The following KAZN variants were observed in gnomAD, a reference collection of about 807,000 sequenced individuals.
The protein encoded by KAZN is kazrin.
In KAZN, 40 loss-of-function variants were observed where a neutral mutation model predicts 87.4. That is an observed-to-expected ratio of 0.46 (90% confidence interval 0.36 to 0.60). The LOEUF is 0.60. Ranked by LOEUF, KAZN falls within the 20% of genes least tolerant of loss-of-function variation. KAZN has a pLI of 0.00. For missense variants in KAZN, 898 were observed against 1,073.9 expected (o/e 0.84, Z 2.29); for synonymous variants, 466 against 458.3 (o/e 1.02, Z -0.22).
chr1:14,835,109 C>T (rs1051027706), intron 1 of KAZN, among the ~76,000 whole-genome samples: 1 of 152,226 alleles, frequency 6.6e-6, no homozygotes, highest in Non-Finnish European at 1.5e-5. Context: ...AAATGCCCAT[C>T]CCGCCAGCGG....
intron 1 of KAZN, among the ~76,000 whole-genome samples, chr1:13,898,878 G>T (rs12086572): frequency 0.24 from 35,828 of 152,164 alleles, 5,906 homozygotes; most frequent in African/African-American, 0.43. Flanking sequence ...ATGGAGCCTA[G>T]CTACATTTGG....
intron 1 of KAZN, among the ~76,000 whole-genome samples, chr1:14,843,779 A>G (rs1056567055): frequency 6.6e-6 from 1 of 152,086 alleles, no homozygotes; most frequent in Non-Finnish European, 1.5e-5. Flanking sequence ...CTTCACAGAC[A>G]CTCCCATGGT....
chr1:14,455,802 G>A (rs183746021), intron 2 of KAZN, among the ~76,000 whole-genome samples: 119 of 152,286 alleles, frequency 7.8e-4, no homozygotes, highest in Non-Finnish European at 1.5e-3. Context: ...GGAAAGGACT[G>A]TGCCCATTTA....
At chr1:14,434,964 C>G (rs952913450) in intron 2 of KAZN, among the ~76,000 whole-genome samples, 5 of 152,164 alleles carry the variant, frequency 3.3e-5, no homozygotes, top group Non-Finnish European at 5.9e-5. Context: ...CTCATCCTAT[C>G]CTGAGACGCA....
At chr1:14,910,351 G>A (rs1301525649) in intron 1 of KAZN, among the ~76,000 whole-genome samples, 9 of 152,158 alleles carry the variant, frequency 5.9e-5, no homozygotes, top group Admixed American at 1.3e-4. Context: ...CAACTCCTCC[G>A]TCTCAGGATC....
At chr1:14,802,548 T>C (rs1328314112) in intron 1 of KAZN, among the ~76,000 whole-genome samples, 1 of 152,080 alleles carries the variant, frequency 6.6e-6, no homozygotes, top group African/African-American at 2.4e-5. Context: ...CTGCTCACTG[T>C]CCTACTATAT....
At chr1:14,855,657 G>A (rs3856273) in intron 1 of KAZN, among the ~76,000 whole-genome samples, 27,100 of 152,102 alleles carry the variant, frequency 0.18, 2,479 homozygotes, top group East Asian at 0.21. Context: ...GCTGTTCTGC[G>A]CAGGAAAGGG....
At chr1:14,768,378 G>A (rs1490185032) in intron 1 of KAZN, among the ~76,000 whole-genome samples, 3 of 152,182 alleles carry the variant, frequency 2.0e-5, no homozygotes, top group Admixed American at 6.5e-5. Flanking sequence ...TGATGTTGTC[G>A]GGGAAGGTAG....
At chr1:15,058,716 A>G (rs1037240240) in intron 5 of KAZN, among the ~76,000 whole-genome samples, 3 of 152,112 alleles carry the variant, frequency 2.0e-5, no homozygotes. Context: ...ATGATATGTA[A>G]ATATACTATT....
intron 1 of KAZN, among the ~76,000 whole-genome samples, chr1:14,943,153 G>A (rs189109465): frequency 2.0e-5 from 3 of 151,530 alleles, no homozygotes; most frequent in East Asian, 1.9e-4. Flanking sequence ...TGGAAACAGC[G>A]TTTGACCTTT....
At chr1:14,385,942 G>A (rs1238262306) in intron 2 of KAZN, among the ~76,000 whole-genome samples, 1 of 150,316 alleles carries the variant, frequency 6.7e-6, no homozygotes, top group Admixed American at 6.6e-5. Flanking sequence ...TAATGTGTGG[G>A]AGTCTAAGTC....
chr1:13,959,904 G>A (rs1032725379), intron 1 of KAZN, among the ~76,000 whole-genome samples: 2 of 152,112 alleles, frequency 1.3e-5, no homozygotes, highest in Admixed American at 6.5e-5. Context: ...ATTCATTGTC[G>A]AAGGACTATA....
intron 1 of KAZN, among the ~76,000 whole-genome samples, chr1:14,136,640 G>C (rs1255898909): frequency 7.8e-6 from 1 of 128,506 alleles, no homozygotes; most frequent in African/African-American, 3.1e-5. Context: ...GGAAAGAAGA[G>C]TGGGAGATAA....
In KAZN at chr1:13,942,566, AAAAAAATGTATAT is replaced by A. The variant is rs1299444062; in HGVS notation, c.91+48812_91+48824del. Among the ~76,000 whole-genome samples, 150 of 144,998 alleles carry A rather than the reference AAAAAAATGTATAT, an allele frequency of 1.0e-3. 7 individuals are homozygous for A. Among genetic ancestry groups the A allele is most frequent in the Middle Eastern group, 3.8e-3 (1 of 266 alleles). On this transcript the variant is annotated intron_variant, in intron 1 of 16. Transcript: ENST00000636203. ...CGTCTCAAAAAAAAAAAAAAAAAAA[AAAAAAATGTATAT>A]ATATAATTCACCAACACCTCAAATT...
chr1:14,382,351 G>T (rs1329224717), intron 2 of KAZN, among the ~76,000 whole-genome samples: 1 of 151,724 alleles, frequency 6.6e-6, no homozygotes, highest in Admixed American at 6.6e-5. Flanking sequence ...AAGTTTTAGG[G>T]TACATGTGCA....
rs1026807579 is a variant in KAZN, at chr1:15,066,503, C to G, written c.1222+750C>G. 6 of 985,302 alleles carry G rather than the reference C, an allele frequency of 6.1e-6. No individual in the cohort carries two copies. The Admixed American group carries it at 1.8e-4, about 30-fold the overall frequency. The allele number at this position is 985,302 out of a possible 1,614,324, so 61.0% of individuals were successfully genotyped here. Reference sequence around the variant, plus strand: ...TTGGCTGGGTTTGTCAGAGGTCAAACCGGCTCTTTTAAACGGCCTACCAGT... The same window carrying G: ...TTGGCTGGGTTTGTCAGAGGTCAAAGCGGCTCTTTTAAACGGCCTACCAGT... On this transcript the variant is annotated intron_variant, in intron 8 of 14. Transcript: ENST00000376030. This position sits in a 1 kb window ranked among gnomAD's most constrained non-coding sequence, Gnocchi z 4.3.
At chr1:13,978,698 A>G (rs1389929628) in intron 1 of KAZN, among the ~76,000 whole-genome samples, 1 of 152,038 alleles carries the variant, frequency 6.6e-6, no homozygotes, top group Non-Finnish European at 1.5e-5. Flanking sequence ...TTTTTTTAAA[A>G]GTGAAGTGGG....
chr1:14,602,585 A>C (rs2148603073), intron 1 of KAZN, among the ~76,000 whole-genome samples: 1 of 152,348 alleles, frequency 6.6e-6, no homozygotes, highest in Admixed American at 6.5e-5. Flanking sequence ...CCTCAGCATA[A>C]CATCTCTGGG....
intron 2 of KAZN, among the ~76,000 whole-genome samples, chr1:14,546,232 A>C (rs1673132673): frequency 6.6e-6 from 1 of 152,160 alleles, no homozygotes; most frequent in Non-Finnish European, 1.5e-5. Context: ...TATAATACAC[A>C]CTGTCAATAG....
Sources: gnomAD v4.1 joint callset for allele counts (sites outside exome capture counted in the v4.1 genomes callset) on GRCh38, gnomAD v4.1.1 for gene constraint, Gnocchi (gnomAD v3.1) non-coding constraint, MANE v1.5 for transcripts, NCBI Gene and HGNC (gene_info 2026-07-23, HGNC 2026-07-21) for gene names.